DPH1: variants seen among roughly 807,000 people sequenced by gnomAD.
DPH1 encodes the protein diphthamide biosynthesis 1.
A neutral mutation model predicts 55.3 loss-of-function variants in DPH1; 59 were observed. The ratio of observed to expected loss-of-function variants is 1.07; its 90% CI spans 0.87 to 1.33. The LOEUF (loss-of-function observed/expected upper bound fraction) is 1.33, where lower values mean the gene tolerates loss of function less well. DPH1 is among the 40% of genes most tolerant of loss of function. The pLI is 0.00. For synonymous variants in DPH1, 238 were observed against 235.5 expected, an observed-to-expected ratio of 1.01 and a Z score of -0.10; for missense variants, 628 against 584.8, an observed-to-expected ratio of 1.07 and a Z score of -0.76.
chr17:2,040,177 G>C, intron 7 of DPH1, 41 bp from the exon 8 acceptor site: 1 of 1,609,474 alleles, frequency 6.2e-7, no homozygotes, highest in Non-Finnish European at 8.5e-7. Flanking sequence ...TACTGGTCCT[G>C]ACAGTGGCTG....
chr17:2,037,197 T>G, intron 6 of DPH1: 1 of 445,184 alleles, frequency 2.2e-6, no homozygotes, highest in South Asian at 5.1e-5. Flanking sequence ...GAGGGCCTGA[T>G]GGGGGTTGAG....
At chr17:2,035,272 C>A (rs1035142694) in intron 3 of DPH1, among the ~76,000 whole-genome samples, 1 of 151,410 alleles carries the variant, frequency 6.6e-6, no homozygotes, top group African/African-American at 2.4e-5. Flanking sequence ...TCAGGCCTGG[C>A]AGCAGTTCCC....
At chr17:2,038,186 T>C (rs950454693) in intron 6 of DPH1, among the ~76,000 whole-genome samples, 16 of 143,654 alleles carry the variant, frequency 1.1e-4, no homozygotes, top group African/African-American at 4.1e-4. Context: ...ATTAGCTGGG[T>C]ACAGTGTCCA....
chr17:2,033,946 T>A, intron 3 of DPH1, 104 bp downstream of exon 3: 2 of 1,330,864 alleles, frequency 1.5e-6, no homozygotes, highest in Non-Finnish European at 1.1e-6. Context: ...TTTTTCCTTC[T>A]GAACCTCCAC....
At position 2,039,832 on chromosome 17, in the gene DPH1, T is replaced by C; in HGVS notation, c.749+9T>C. 1 of 1,613,974 alleles carries C rather than the reference T, an allele frequency of 6.2e-7. No homozygotes were observed. The highest frequency in any genetic ancestry group is 8.5e-7 in the Non-Finnish European group (1 of 1,180,004). On this transcript the variant is annotated intron_variant, in intron 7 of 12. Coordinates refer to ENST00000263083, the MANE Select transcript of DPH1 (RefSeq NM_001383.6). ...AATGTCCCCGCTTACCGGTATGGGC[T>C]GGGCCGGGCTGGGCTGACCAGCTGG...
In DPH1 at chr17:2,042,930, T is replaced by C. The variant is rs1328358876; in HGVS notation, c.*344T>C. The C allele has an allele frequency of 1.2e-6, 2 of 1,614,072 alleles. No homozygotes were observed. Among genetic ancestry groups the C allele is most frequent in the Non-Finnish European group, 1.7e-6 (2 of 1,180,050 alleles). On this transcript the variant is annotated 3_prime_UTR_variant, in exon 13 of 13. Transcript: ENST00000263083. Reference sequence around the variant, plus strand: ...TCCTGCAAAGGCCCTTGTCATTGCCTTCGCTCCATGTTTTTGGGGACACTG... The same window carrying C: ...TCCTGCAAAGGCCCTTGTCATTGCCCTCGCTCCATGTTTTTGGGGACACTG...
Position 2,041,866 on chromosome 17 carries a change from C to A in DPH1, c.*9C>A, listed in dbSNP as rs1252929342. 1.3e-6 allele frequency: 2 copies of A among 1,584,386 alleles called. No individual in the cohort carries two copies. The highest frequency in any genetic ancestry group is 1.3e-5 in the African/African-American group (1 of 74,392). ...CGCCGCTGGCTCCTTGACGCGCTCC[C>A]GGGCCTCAGGTATCAGCCCCCGCTC... On this transcript the variant is annotated 3_prime_UTR_variant, in exon 12 of 13. Transcript: ENST00000263083.
chr17:2,033,103 T>C (rs2151341071), intron 1 of DPH1, among the ~76,000 whole-genome samples: 1 of 152,292 alleles, frequency 6.6e-6, no homozygotes, highest in South Asian at 2.1e-4. Flanking sequence ...TTTCTGGAAC[T>C]TTCTTACCTA....
intron 6 of DPH1, 127 bp from the exon 7 acceptor site, chr17:2,039,628 C>A: frequency 9.4e-7 from 1 of 1,067,464 alleles, no homozygotes; most frequent in Non-Finnish European, 1.4e-6. Flanking sequence ...CCGCCCGCCT[C>A]GGTCTCCCAA....
intron 12 of DPH1, chr17:2,042,305 A>G (rs532512245): frequency 1.6e-4 from 225 of 1,391,482 alleles, no homozygotes; most frequent in Middle Eastern, 3.7e-4. Context: ...ACCCTTCAGC[A>G]TCCCCCACCC....
chr17:2,041,585 C>T lies in DPH1; in HGVS notation c.1191C>T (p.Arg397=). ...GGACGGTGAACCACGGCCAGGACCG[C>T]CGTCCCCACGCCCCGGGCCGGCCCG... ...GPWTVNHGQD[R]RPHAPGRPAR... is the part of the protein sequence containing the mutation. Residue 397 remains arginine, a synonymous_variant, in exon 11 of 13, where the codon CGC becomes CGT. Coordinates refer to ENST00000263083, the MANE Select transcript of DPH1 (RefSeq NM_001383.6). 1 of 1,609,992 alleles carries T rather than the reference C, an allele frequency of 6.2e-7. No homozygotes were observed. Among genetic ancestry groups the T allele is most frequent in the Non-Finnish European group, 8.5e-7 (1 of 1,178,482 alleles).
At chr17:2,038,649 C>T (rs2067463166) in intron 6 of DPH1, among the ~76,000 whole-genome samples, 1 of 152,206 alleles carries the variant, frequency 6.6e-6, no homozygotes, top group Non-Finnish European at 1.5e-5. Flanking sequence ...GCCTGATGAT[C>T]TGAGGTGAGA....
At chr17:2,035,915 TCCTA>T in intron 3 of DPH1, 51 bp from the exon 4 acceptor site, 1 of 1,610,682 alleles carries the variant, frequency 6.2e-7, no homozygotes, top group Non-Finnish European at 8.5e-7. Context: ...GTTGGGTCTC[TCCTA>T]CCTCAGTCCC....
chr17:2,035,386 C>T (rs981506918), intron 3 of DPH1, among the ~76,000 whole-genome samples: 11 of 62,668 alleles, frequency 1.8e-4, no homozygotes, highest in Non-Finnish European at 4.2e-4. Context: ...ATCCTGGGCA[C>T]CAAGGGCCCT....
At position 2,043,208 on chromosome 17, in the gene DPH1, A is replaced by T; in HGVS notation, c.*622A>T. 1 of 1,359,294 alleles carries T rather than the reference A, an allele frequency of 7.4e-7. No homozygotes were observed. The highest frequency in any genetic ancestry group is 1.0e-6 in the Non-Finnish European group (1 of 997,228). 84.2% of individuals were successfully genotyped at this position (1,359,294 alleles called of 1,614,324 possible). ...CCACTCACTGCTGTGAGTGCGCCTC[A>T]CCAGAACCAGTTAAGAGACAACTAT... On this transcript the variant is annotated 3_prime_UTR_variant, in exon 13 of 13. Transcript: ENST00000263083.
chr17:2,033,023 C>T (rs1209599104), intron 1 of DPH1, among the ~76,000 whole-genome samples: 5 of 152,196 alleles, frequency 3.3e-5, no homozygotes, highest in African/African-American at 4.8e-5. Context: ...TGAGCCACTG[C>T]GCCCGGCTGC....
chr17:2,041,876 G>GT lies in DPH1; in HGVS notation c.*18+2dup. On this transcript the variant is annotated splice_donor_variant, in intron 12 of 12. Coordinates refer to ENST00000263083, the MANE Select transcript of DPH1 (RefSeq NM_001383.6). LOFTEE classifies it low-confidence loss of function (3UTR_SPLICE). Reference sequence around the variant, plus strand: ...TCCTTGACGCGCTCCCGGGCCTCAGGTATCAGCCCCCGCTCTGGGTGCGCC... The same window carrying GT: ...TCCTTGACGCGCTCCCGGGCCTCAGGTTATCAGCCCCCGCTCTGGGTGCGCC... 6.3e-7 allele frequency: 1 copy of GT among 1,575,090 alleles called. No homozygotes were observed. The highest frequency in any genetic ancestry group is 8.6e-7 in the Non-Finnish European group (1 of 1,164,198).
chr17:2,042,085 C>T, intron 12 of DPH1: 3 of 1,565,222 alleles, frequency 1.9e-6, no homozygotes, highest in Admixed American at 1.8e-5. Flanking sequence ...CTGTGCCTGG[C>T]GGGCTTCCGG....
Position 2,040,279 on chromosome 17 carries a change from GCTCGCCAAGAA to G in DPH1, c.812_822del (p.Ala271GlyfsTer9). 6.2e-7 allele frequency: 1 copy of G among 1,614,036 alleles called. No homozygotes were observed. On this transcript the variant is annotated frameshift_variant, in exon 8 of 13. Transcript: ENST00000263083. LOFTEE classifies it high-confidence loss of function. ...CTATGACCACCAGCGCATGCAGGCTGCTCGCCAAGAAGCCATAGCCACTGCCCGCTCAGCTA... is the reference window on the plus strand; with the variant it reads ...CTATGACCACCAGCGCATGCAGGCTGGCCATAGCCACTGCCCGCTCAGCTA...
Sources: gnomAD v4.1 joint callset for allele counts (sites outside exome capture counted in the v4.1 genomes callset) on GRCh38, gnomAD v4.1.1 for gene constraint, MANE v1.5 for transcripts, NCBI Gene and HGNC (gene_info 2026-07-23, HGNC 2026-07-21) for gene names.